Variants in CMSS1 observed in about 807,000 individuals in gnomAD.
The protein encoded by CMSS1 is cms1 ribosomal small subunit homolog, also known as protein CMSS1.
Under a neutral mutation model 43.5 loss-of-function variants are expected in CMSS1, and 33 were observed. The observed-to-expected ratio is 0.76, with a 90% CI of 0.57 to 1.01. CMSS1 has a LOEUF of 1.01. Ranked by LOEUF, CMSS1 falls within the 50% of genes least tolerant of loss-of-function variation. The probability of loss-of-function intolerance (pLI) is 0.00; values close to 1 mark genes in which losing one functional copy is unlikely to be tolerated. For missense variants in CMSS1, 313 were observed against 326.4 expected, an observed-to-expected ratio of 0.96 and a Z score of 0.32; for synonymous variants, 115 against 117.2, an observed-to-expected ratio of 0.98 and a Z score of 0.12.
chr3:100,108,381 G>A (rs1259812653), intron 1 of CMSS1, among the ~76,000 whole-genome samples: 1 of 152,114 alleles, frequency 6.6e-6, no homozygotes, highest in African/African-American at 2.4e-5. Flanking sequence ...GTCACTAACT[G>A]TGCTTATTAC....
intron 1 of CMSS1, among the ~76,000 whole-genome samples, chr3:100,034,846 T>C (rs1173526967): frequency 3.3e-5 from 5 of 152,214 alleles, no homozygotes; most frequent in African/African-American, 1.2e-4. Flanking sequence ...AAACGGTATA[T>C]ACATACGAAT....
chr3:99,966,497 G>T (rs1436285295), intron 1 of CMSS1, among the ~76,000 whole-genome samples: 3 of 152,048 alleles, frequency 2.0e-5, no homozygotes, highest in Non-Finnish European at 2.9e-5. Flanking sequence ...TTTGTGCAGA[G>T]CCCCGTCAAA....
At position 99,832,452 on chromosome 3, in the gene CMSS1, G is replaced by A. The variant is rs770096680; in HGVS notation, c.64+14409G>A. Among the ~76,000 whole-genome samples the A allele has an allele frequency of 6.7e-3, 981 of 146,552 alleles. 3 individuals are homozygous for A. Among genetic ancestry groups the A allele is most frequent in the African/African-American group, 8.4e-3 (337 of 40,066 alleles). On this transcript the variant is annotated intron_variant, in intron 1 of 9. Coordinates refer to ENST00000421999, the MANE Select transcript of CMSS1 (RefSeq NM_032359.4). ...TCACTGTGTTAGCCAGGATGATCTC[G>A]ATCTCCTGACCTCATGATCCGCCCG...
intron 1 of CMSS1, among the ~76,000 whole-genome samples, chr3:99,994,616 G>A (rs995913094): frequency 2.6e-5 from 4 of 152,122 alleles, no homozygotes; most frequent in Non-Finnish European, 5.9e-5. Context: ...AAATTAAACA[G>A]CATGTTCCTG....
intron 1 of CMSS1, among the ~76,000 whole-genome samples, chr3:100,005,725 C>G (rs918404587): frequency 2.6e-5 from 4 of 152,140 alleles, no homozygotes; most frequent in South Asian, 4.1e-4. Context: ...TGTTAGCAGT[C>G]ATAATAAACA....
rs778928547 is a variant in CMSS1 at position 100,162,302 on chromosome 3, G to C, written c.226-1G>C. ...CATTTTTCTTCTTTCTCATATCTTAGAAGAAAATTACTGATGTTCTTGCAA... is the reference window on the plus strand; with the variant it reads ...CATTTTTCTTCTTTCTCATATCTTACAAGAAAATTACTGATGTTCTTGCAA... On this transcript the variant is annotated splice_acceptor_variant, in intron 3 of 9. Transcript: ENST00000421999. LOFTEE classifies it high-confidence loss of function. The C allele has an allele frequency of 6.2e-7, 1 of 1,607,108 alleles. No homozygotes were observed. The highest frequency in any genetic ancestry group is 8.5e-7 in the Non-Finnish European group (1 of 1,177,274).
At chr3:100,103,713 C>T (rs2066347338) in intron 1 of CMSS1, among the ~76,000 whole-genome samples, 1 of 152,076 alleles carries the variant, frequency 6.6e-6, no homozygotes, top group African/African-American at 2.4e-5. Context: ...ACAAACTGCC[C>T]CCTGGGAAAT....
At chr3:100,011,132 G>A (rs76970661) in intron 1 of CMSS1, among the ~76,000 whole-genome samples, 3,990 of 152,122 alleles carry the variant, frequency 0.026, 188 homozygotes, top group African/African-American at 0.091. Context: ...CAAAGGAGTC[G>A]TTTCATGACA....
chr3:99,922,050 C>T (rs577914204), intron 1 of CMSS1, among the ~76,000 whole-genome samples: 89 of 152,342 alleles, frequency 5.8e-4, no homozygotes, highest in Non-Finnish European at 9.7e-4. Flanking sequence ...TAGCCCTTCA[C>T]ATTCCCACCA....
chr3:100,135,399 T>C (rs990418787), intron 1 of CMSS1, among the ~76,000 whole-genome samples: 1 of 151,704 alleles, frequency 6.6e-6, no homozygotes, highest in African/African-American at 2.4e-5. Context: ...ACCCCTGATG[T>C]GGACTAATGA....
chr3:100,059,034 C>T (rs1359950673), intron 1 of CMSS1, among the ~76,000 whole-genome samples: 1 of 152,178 alleles, frequency 6.6e-6, no homozygotes, highest in Non-Finnish European at 1.5e-5. Context: ...TGTAGATAGA[C>T]TTGAAATAAA....
chr3:99,842,938 G>T (rs992692759), intron 1 of CMSS1, among the ~76,000 whole-genome samples: 1 of 152,170 alleles, frequency 6.6e-6, no homozygotes, highest in African/African-American at 2.4e-5. Context: ...TGCCTTTGGG[G>T]GATGGCTGCT....
intron 9 of CMSS1, among the ~76,000 whole-genome samples, chr3:100,177,848 G>T (rs1223920143): frequency 2.0e-5 from 3 of 152,194 alleles, no homozygotes; most frequent in Non-Finnish European, 2.9e-5. Context: ...GCCAGGCACA[G>T]TGACTCACAC....
intron 1 of CMSS1, among the ~76,000 whole-genome samples, chr3:99,965,413 T>A (rs1022041315): frequency 6.6e-6 from 1 of 152,210 alleles, no homozygotes; most frequent in Admixed American, 6.5e-5. Flanking sequence ...CGTAGTGTAC[T>A]CTGTGGATGT....
At chr3:100,110,345 T>C (rs2066469823) in intron 1 of CMSS1, among the ~76,000 whole-genome samples, 1 of 152,058 alleles carries the variant, frequency 6.6e-6, no homozygotes, top group South Asian at 2.1e-4. Context: ...TGCCTCTGTA[T>C]TTTTTTGTTT....
chr3:99,980,446 C>T (rs1292554370), intron 1 of CMSS1, among the ~76,000 whole-genome samples: 1 of 152,146 alleles, frequency 6.6e-6, no homozygotes, highest in Non-Finnish European at 1.5e-5. Flanking sequence ...TGAGGCAGTT[C>T]CTCATAACCA....
chr3:100,004,432 AACC>A (rs1165389679), intron 1 of CMSS1, among the ~76,000 whole-genome samples: 2 of 152,318 alleles, frequency 1.3e-5, no homozygotes, highest in African/African-American at 4.8e-5. Flanking sequence ...TTACCACTGA[AACC>A]AAGGGAGGAG....
At chr3:99,961,259 T>C (rs1708481880) in intron 1 of CMSS1, among the ~76,000 whole-genome samples, 1 of 152,216 alleles carries the variant, frequency 6.6e-6, no homozygotes, top group African/African-American at 2.4e-5. Flanking sequence ...ATCCCCTGTG[T>C]TGGAATGCTG....
chr3:100,014,891 C>CTTTTTTTTTTTTTTTTTTTTTTTTTTTT (rs1710284139), intron 1 of CMSS1, among the ~76,000 whole-genome samples: 10 of 27,220 alleles, frequency 3.7e-4, no homozygotes, highest in Admixed American at 4.7e-4. Flanking sequence ...TTTTTTCTTT[C>CTTTTTTTTTTTTTTTTTTTTTTTTTTTT]TTTCTTTTTT....
Sources: gnomAD v4.1 joint callset for allele counts (sites outside exome capture counted in the v4.1 genomes callset) on GRCh38, gnomAD v4.1.1 for gene constraint, MANE v1.5 for transcripts, NCBI Gene and HGNC (gene_info 2026-07-23, HGNC 2026-07-21) for gene names.